The following CEP131 variants were observed in gnomAD, a reference collection of about 807,000 sequenced individuals.
The protein encoded by CEP131 is centrosomal protein of 131 kDa.
Under a neutral mutation model 136.8 loss-of-function variants are expected in CEP131, and 99 were observed. The observed-to-expected ratio is 0.72, with a 90% CI of 0.62 to 0.86. The LOEUF is 0.86. Ranked by LOEUF, CEP131 falls within the 40% of genes least tolerant of loss-of-function variation. The pLI is 0.00. For missense variants in CEP131, 1,459 were observed against 1,463.0 expected, an observed-to-expected ratio of 1.00 and a Z score of 0.04; for synonymous variants, 646 against 612.7, an observed-to-expected ratio of 1.05 and a Z score of -0.80.
At position 81,203,316 on chromosome 17, in the gene CEP131, G is replaced by T. The variant is rs2061935225; in HGVS notation, c.629+178C>A. 6.6e-6 allele frequency among the ~76,000 whole-genome samples: 1 copy of T among 152,212 alleles called. No individual in the cohort carries two copies. Among genetic ancestry groups the T allele is most frequent in the South Asian group, 2.1e-4 (1 of 4,834 alleles). ...TGCTCCACGCGGTTTTACGTGCACT[G>T]ACCACGTGCCCTGACCGAGGTTGGA... On this transcript the variant is annotated intron_variant, in intron 6 of 25. Transcript: ENST00000450824. The surrounding 1 kb of genome is among the most constrained non-coding windows in gnomAD (Gnocchi z 4.6).
chr17:81,199,344 A>AC (rs778545158), intron 10 of CEP131, 37 bp downstream of exon 10: 2 of 1,553,728 alleles, frequency 1.3e-6, no homozygotes, highest in Non-Finnish European at 8.7e-7. Flanking sequence ...GCTGCAGTCC[A>AC]CCCCCCAGAG....
At chr17:81,202,211 C>G in intron 7 of CEP131, 29 bp downstream of exon 7, 7 of 1,091,366 alleles carry the variant, frequency 6.4e-6, no homozygotes, top group South Asian at 1.5e-5. Flanking sequence ...TAGGCTCAGG[C>G]CCCCCCCCAC....
In CEP131 at chr17:81,208,445, C is replaced by T. The variant is rs962882859; in HGVS notation, c.272+483G>A. On this transcript the variant is annotated intron_variant, in intron 3 of 25. Transcript: ENST00000450824. This position sits in a 1 kb window ranked among gnomAD's most constrained non-coding sequence, Gnocchi z 5.6. The stretch of plus-strand genomic sequence containing the variant: ...CTGCTGGCCACCACCGGCTCCACTC[C>T]CCACAACACCCCCACTGGGGCCATT... Among the ~76,000 whole-genome samples, 1 of 152,178 alleles carries T rather than the reference C, an allele frequency of 6.6e-6. No homozygotes were observed. Among genetic ancestry groups the T allele is most frequent in the Non-Finnish European group, 1.5e-5 (1 of 68,020 alleles).
At position 81,200,336 on chromosome 17, in the gene CEP131, T is replaced by C; in HGVS notation, c.899A>G (p.Lys300Arg). The change falls in exon 8 of 26, where the codon AAG (lysine) becomes AGG (arginine). Residue 300 changes from lysine (K) to arginine (R), a missense_variant. Transcript: ENST00000450824. ...AARLEHLLQA[K>R]REEQRQRSGE... The stretch of plus-strand genomic sequence containing the variant: ...TGAGACGCCCACACTGACCTCCCGC[T>C]TGGCCTGAAGCAAGTGCTCCAGGCG... 6.2e-7 allele frequency: 1 copy of C among 1,601,260 alleles called. No individual in the cohort carries two copies. Among genetic ancestry groups the C allele is most frequent in the Non-Finnish European group, 8.5e-7 (1 of 1,174,532 alleles).
In CEP131 at chr17:81,196,814, C is replaced by T; in HGVS notation, c.1786G>A (p.Asp596Asn). Reference protein sequence around the residue: ...LLQRALAQQRDLTARRVKETE... With the variant: ...LLQRALAQQRNLTARRVKETE... ...TCCTTGACCCGCCGGGCCGTGAGGT[C>T]TCGCTGCTGCGCCTGCAGGGTGTGG... is the stretch of plus-strand genomic sequence containing the variant. Residue 596 changes from aspartate (D) to asparagine (N), a missense_variant, in exon 15 of 26, where the codon GAC (aspartate) becomes AAC (asparagine). Coordinates refer to ENST00000450824, the MANE Select transcript of CEP131 (RefSeq NM_014984.4). 6.3e-7 allele frequency: 1 copy of T among 1,593,232 alleles called. No homozygotes were observed. The highest frequency in any genetic ancestry group is 1.3e-5 in the African/African-American group (1 of 74,804).
At position 81,219,924 on chromosome 17, in the gene CEP131, A is replaced by G; in HGVS notation, c.133T>C (p.Ser45Pro). 6.2e-7 allele frequency: 1 copy of G among 1,611,478 alleles called. No individual in the cohort carries two copies. Among genetic ancestry groups the G allele is most frequent in the Non-Finnish European group, 8.5e-7 (1 of 1,178,858 alleles). ...SAATTKPIVR[S>P]VSVVTGSEQK... ...TCGCTGCCTGTGACCACGGAGACAGAGCGGACGATGGGCTTGGTGGTGGCG... is the reference window on the plus strand; with the variant it reads ...TCGCTGCCTGTGACCACGGAGACAGGGCGGACGATGGGCTTGGTGGTGGCG... Residue 45 changes from serine (S) to proline (P), a missense_variant, in exon 2 of 26, where the codon TCT (serine) becomes CCT (proline). Physicochemically the swap from Ser to Pro is moderately conservative, Grantham distance 74 (BLOSUM62 -1). Transcript: ENST00000450824. The surrounding 1 kb of genome is among the most constrained non-coding windows in gnomAD (Gnocchi z 4.0).
rs1336013764 is a variant in CEP131, at chr17:81,190,887, C to A, written c.2943+20G>T. 6.3e-7 allele frequency: 1 copy of A among 1,596,990 alleles called. No individual in the cohort carries two copies. Among genetic ancestry groups the A allele is most frequent in the African/African-American group, 1.3e-5 (1 of 74,872 alleles). ...GGGGCCTGTGGGTGCCCACTGCCCA[C>A]CTGACACCCGCCCACTCACCGCCTG... On this transcript the variant is annotated intron_variant, in intron 23 of 25. Transcript: ENST00000450824.
At position 81,190,763 on chromosome 17, in the gene CEP131, G is replaced by C. The variant is rs768288984; in HGVS notation, c.2983C>G (p.Gln995Glu). The C allele has an allele frequency of 6.8e-6, 11 of 1,612,036 alleles. No homozygotes were observed. The South Asian group carries it at 1.2e-4, about 18-fold the overall frequency. ...TCCTCGAACTCCTGGCGGATCACCT[G>C]GGCCAGGTTGCTGCGCTCGCTAGAA... ...QLSSERSNLAQVIRQEFEDRL... is the reference protein window; with the variant it reads ...QLSSERSNLAEVIRQEFEDRL... The change falls in exon 24 of 26, where the codon CAG (glutamine) becomes GAG (glutamate). Residue 995 changes from glutamine to glutamate, a missense_variant. Gln to Glu is a conservative substitution (Grantham distance 29, BLOSUM62 2). This residue lies in a region of CEP131 where 1,026 missense variants were observed against 964.2 expected (regional missense o/e 1.06). Coordinates refer to ENST00000450824, the MANE Select transcript of CEP131 (RefSeq NM_014984.4).
chr17:81,202,052 G>C (rs1013991986), intron 7 of CEP131, among the ~76,000 whole-genome samples, 188 bp downstream of exon 7: 1 of 151,208 alleles, frequency 6.6e-6, no homozygotes, highest in African/African-American at 2.4e-5. Context: ...AGCGAGCAGA[G>C]ATCGCGCCAC....
In CEP131 at chr17:81,190,951, C is replaced by T. The variant is rs372462542; in HGVS notation, c.2899G>A (p.Gly967Ser). Residue 967 changes from glycine (G) to serine (S), a missense_variant, in exon 23 of 26, where the codon GGC (glycine) becomes AGC (serine). Physicochemically the swap from Gly to Ser is moderately conservative, Grantham distance 56. Around this residue, in one of 3 missense-constraint regions of CEP131, gnomAD observed 1,026 missense variants for 964.2 expected, o/e 1.06. Transcript: ENST00000450824. ...EAEGENLRLQ[G>S]LVRQKERALE... Reference sequence around the variant, plus strand: ...GCCCGCTCCTTCTGCCGCACAAGGCCCTGCAGACGCAGATTCTCGCCCTCG... The same window carrying T: ...GCCCGCTCCTTCTGCCGCACAAGGCTCTGCAGACGCAGATTCTCGCCCTCG... 6.9e-6 allele frequency: 11 copies of T among 1,605,242 alleles called. No individual in the cohort carries two copies. The highest frequency in any genetic ancestry group is 9.3e-6 in the Non-Finnish European group (11 of 1,179,850).
intron 16 of CEP131, 129 bp downstream of exon 16, chr17:81,195,706 C>T (rs919099000): frequency 8.9e-6 from 7 of 787,820 alleles, no homozygotes; most frequent in South Asian, 3.3e-5. Flanking sequence ...CCCCACCCAC[C>T]GCTGTGGCCC....
chr17:81,220,956 C>T (rs1430310064), intron 1 of CEP131, among the ~76,000 whole-genome samples: 6 of 151,796 alleles, frequency 4.0e-5, no homozygotes, highest in African/African-American at 1.4e-4. Context: ...AACCCCACCT[C>T]TACTAAAAAC....
chr17:81,190,535 C>T, intron 24 of CEP131, 104 bp downstream of exon 24: 1 of 1,377,544 alleles, frequency 7.3e-7, no homozygotes. Context: ...CTCTGCATCT[C>T]CTGGCCTTCC....
rs373484154 is a variant in CEP131, at chr17:81,197,692, G to A, written c.1647+20C>T. 4.4e-6 allele frequency: 7 copies of A among 1,598,334 alleles called. No homozygotes were observed. Among genetic ancestry groups the A allele is most frequent in the Middle Eastern group, 1.8e-4 (1 of 5,510 alleles). On this transcript the variant is annotated intron_variant, in intron 13 of 25. Coordinates refer to ENST00000450824, the MANE Select transcript of CEP131 (RefSeq NM_014984.4). ...GGCCTCCTCCCACTGGGGGCCGGGT[G>A]CGGGCTGGTGAGGGGCCACCTCCTG...
At position 81,205,827 on chromosome 17, in the gene CEP131, A is replaced by G. The variant is rs575010849; in HGVS notation, c.515+917T>C. On this transcript the variant is annotated intron_variant, in intron 5 of 25. Transcript: ENST00000450824. Reference sequence around the variant, plus strand: ...AGGGGGAGGATCTCTTGAGCCCAGGAGGTAGAGGCTGCAGTGAGCTATGAT... The same window carrying G: ...AGGGGGAGGATCTCTTGAGCCCAGGGGGTAGAGGCTGCAGTGAGCTATGAT... Among the ~76,000 whole-genome samples, 19 of 152,236 alleles carry G rather than the reference A, an allele frequency of 1.2e-4. 1 individual carries two copies. In the South Asian group the frequency reaches 1.7e-3, roughly 13 times the overall value.
chr17:81,192,483 C>CG lies in CEP131; in HGVS notation c.2539dup (p.Arg847ProfsTer52). On this transcript the variant is annotated frameshift_variant, in exon 20 of 26. Transcript: ENST00000450824. LOFTEE classifies it high-confidence loss of function. Reference sequence around the variant, plus strand: ...AGCCCTCCGGTGGTAGACCTGGTGCCGGCGCTCCTGCTCCTCCCTGCCCTT... The same window carrying CG: ...AGCCCTCCGGTGGTAGACCTGGTGCCGGGCGCTCCTGCTCCTCCCTGCCCTT... The CG allele has an allele frequency of 1.9e-6, 3 of 1,611,864 alleles. No individual in the cohort carries two copies. The highest frequency in any genetic ancestry group is 2.5e-6 in the Non-Finnish European group (3 of 1,179,798).
chr17:81,190,091 GACC>G, intron 24 of CEP131, 116 bp from the exon 25 acceptor site: 1 of 925,720 alleles, frequency 1.1e-6, no homozygotes, highest in East Asian at 2.8e-5. Context: ...CAGCCCTGCT[GACC>G]ACGACTCCTG....
At chr17:81,198,807 ACAC>A (rs756794284) in intron 11 of CEP131, 67 bp downstream of exon 11, 2 of 1,458,546 alleles carry the variant, frequency 1.4e-6, no homozygotes, top group Non-Finnish European at 1.9e-6. Context: ...TCAGCTCAGG[ACAC>A]CCCTGGCACA....
At chr17:81,197,938 T>G in intron 12 of CEP131, 50 bp from the exon 13 acceptor site, 1 of 1,581,604 alleles carries the variant, frequency 6.3e-7, no homozygotes, top group Non-Finnish European at 8.6e-7. Context: ...GCCTGAGGAC[T>G]TGGGTTCCCC....
Sources: allele counts gnomAD v4.1 joint callset (sites outside exome capture counted in the v4.1 genomes callset), GRCh38; gene constraint gnomAD v4.1.1; regional missense constraint gnomAD v4.1.1; non-coding constraint Gnocchi (gnomAD v3.1); transcripts MANE v1.5; gene names NCBI Gene and HGNC (gene_info 2026-07-23, HGNC 2026-07-21).